ERI3: variants seen among roughly 807,000 people sequenced by gnomAD.
ERI3 encodes the protein ERI1 exoribonuclease 3.
In ERI3, 18 loss-of-function variants were observed where a neutral mutation model predicts 44.4. The observed-to-expected ratio is 0.41, with a 90% CI of 0.28 to 0.60. The LOEUF (loss-of-function observed/expected upper bound fraction) is 0.60. ERI3 is among the 20% of genes least tolerant of loss of function. The probability of loss-of-function intolerance (pLI) is 0.36; values close to 1 mark genes in which losing one functional copy is unlikely to be tolerated. For missense variants in ERI3, 294 were observed against 435.5 expected (o/e 0.68, Z 2.89); for synonymous variants, 183 against 164.8 (o/e 1.11, Z -0.84).
intron 7 of ERI3, chr1:44,256,849 G>A (rs1017246076): frequency 1.3e-5 from 2 of 152,218 alleles, no homozygotes; most frequent in Non-Finnish European, 2.9e-5. Flanking sequence ...TGAGTCAGAG[G>A]GGCCTTGGGG....
At chr1:44,300,013 C>T (rs1474070230) in intron 6 of ERI3, among the ~76,000 whole-genome samples, 18 of 152,142 alleles carry the variant, frequency 1.2e-4, no homozygotes, top group Admixed American at 1.1e-3. Flanking sequence ...GTGAAAGTCT[C>T]AGAACATACA....
chr1:44,273,171 C>T (rs1645120374), intron 7 of ERI3, among the ~76,000 whole-genome samples: 2 of 152,354 alleles, frequency 1.3e-5, no homozygotes, highest in East Asian at 3.9e-4. Context: ...CAAAGGTCAA[C>T]AGCAGCAATA....
chr1:44,310,958 C>CGCGCGCGCGT (rs1553195225), intron 5 of ERI3, among the ~76,000 whole-genome samples: 3 of 79,438 alleles, frequency 3.8e-5, no homozygotes, highest in Non-Finnish European at 7.4e-5. Flanking sequence ...ACATCGCGCG[C>CGCGCGCGCGT]GCGCGCACAC....
intron 3 of ERI3, among the ~76,000 whole-genome samples, chr1:44,338,212 C>G (rs1243813817): frequency 6.6e-6 from 1 of 152,192 alleles, no homozygotes; most frequent in African/African-American, 2.4e-5. Context: ...ACAAATCATC[C>G]CAAAACCTGT....
chr1:44,242,924 C>T (rs1004345244), intron 8 of ERI3, among the ~76,000 whole-genome samples: 2 of 152,102 alleles, frequency 1.3e-5, no homozygotes, highest in Admixed American at 6.5e-5. Flanking sequence ...GTGAGCGTGG[C>T]GGCAGAGGCG....
At chr1:44,281,619 T>TAA (rs1204718945) in intron 7 of ERI3, among the ~76,000 whole-genome samples, 1 of 142,778 alleles carries the variant, frequency 7.0e-6, no homozygotes, top group African/African-American at 2.6e-5. Flanking sequence ...TATATATATA[T>TAA]AATATATATA....
At chr1:44,226,180 G>C (rs985243619) in intron 8 of ERI3, among the ~76,000 whole-genome samples, 2 of 151,980 alleles carry the variant, frequency 1.3e-5, no homozygotes, top group Admixed American at 1.3e-4. Flanking sequence ...AATGTGGAGT[G>C]TCCAAATAAG....
chr1:44,338,676 G>T (rs1183507742), intron 3 of ERI3, among the ~76,000 whole-genome samples: 1 of 152,210 alleles, frequency 6.6e-6, no homozygotes, highest in Non-Finnish European at 1.5e-5. Flanking sequence ...GTGAATAGCA[G>T]GAGTTAAGAA....
intron 3 of ERI3, among the ~76,000 whole-genome samples, chr1:44,335,691 C>T (rs1646521014): frequency 6.8e-6 from 1 of 146,110 alleles, no homozygotes; most frequent in East Asian, 2.1e-4. Flanking sequence ...GCAGAGGTTG[C>T]GGTGAGCCGA....
Position 44,294,324 on chromosome 1 carries a change from T to C in ERI3, c.759-9417A>G, listed in dbSNP as rs930000624. ...TGCTCAAAGTCTCCAAAAGACACTGTATATGCATATAGCGCCTCCCTGATC... is the reference window on the plus strand; with the variant it reads ...TGCTCAAAGTCTCCAAAAGACACTGCATATGCATATAGCGCCTCCCTGATC... On this transcript the variant is annotated intron_variant, in intron 6 of 8. Coordinates refer to ENST00000372257, the MANE Select transcript of ERI3 (RefSeq NM_024066.3). Among the ~76,000 whole-genome samples the C allele has an allele frequency of 4.6e-5, 7 of 152,322 alleles. No homozygotes were observed. The East Asian group carries it at 9.6e-4, about 21-fold the overall frequency.
intron 7 of ERI3, among the ~76,000 whole-genome samples, chr1:44,269,768 G>A (rs939564889): frequency 4.6e-5 from 7 of 152,190 alleles, no homozygotes; most frequent in African/African-American, 1.7e-4. Context: ...CAAGTGACAA[G>A]AGGGAAGCTA....
chr1:44,279,081 C>G (rs1645236369), intron 7 of ERI3, among the ~76,000 whole-genome samples: 1 of 152,212 alleles, frequency 6.6e-6, no homozygotes, highest in Non-Finnish European at 1.5e-5. Context: ...ATTATATTCT[C>G]TATTTTTGAC....
At chr1:44,278,829 C>T (rs879940772) in intron 7 of ERI3, among the ~76,000 whole-genome samples, 8 of 152,218 alleles carry the variant, frequency 5.3e-5, no homozygotes, top group Non-Finnish European at 1.0e-4. Flanking sequence ...TCTCAAACTC[C>T]TGACCTCAGG....
intron 7 of ERI3, among the ~76,000 whole-genome samples, chr1:44,269,555 T>C (rs1481481407): frequency 6.6e-6 from 1 of 152,168 alleles, no homozygotes; most frequent in Non-Finnish European, 1.5e-5. Context: ...TTTAAACACA[T>C]ACAGACATGC....
At chr1:44,286,038 T>C (rs325163) in intron 6 of ERI3, among the ~76,000 whole-genome samples, 54,001 of 152,012 alleles carry the variant, frequency 0.36, 10,859 homozygotes, top group African/African-American at 0.55. Context: ...GAGGCCCCAG[T>C]GACTAAATGA....
At chr1:44,262,092 G>T (rs1644905907) in intron 7 of ERI3, among the ~76,000 whole-genome samples, 1 of 152,178 alleles carries the variant, frequency 6.6e-6, no homozygotes, top group Admixed American at 6.5e-5. Flanking sequence ...GCCAGATGGT[G>T]AAAGTAGGTG....
chr1:44,317,625 T>C (rs142886051), intron 4 of ERI3, among the ~76,000 whole-genome samples: 112 of 152,162 alleles, frequency 7.4e-4, no homozygotes, highest in African/African-American at 1.2e-3. Flanking sequence ...AAAGAACTTA[T>C]AGTCTAGTGA....
intron 7 of ERI3, among the ~76,000 whole-genome samples, chr1:44,264,127 C>T (rs908568437): frequency 2.0e-5 from 3 of 152,158 alleles, no homozygotes; most frequent in Non-Finnish European, 4.4e-5. Context: ...TCCAGCAAAG[C>T]GAAATCATTT....
intron 6 of ERI3, among the ~76,000 whole-genome samples, chr1:44,289,167 T>C (rs1376868982): frequency 1.3e-5 from 2 of 152,214 alleles, no homozygotes; most frequent in Non-Finnish European, 2.9e-5. Flanking sequence ...GAGCCAATTA[T>C]GTCCAGGCCA....
Sources: gnomAD v4.1 joint callset for allele counts (sites outside exome capture counted in the v4.1 genomes callset) on GRCh38, gnomAD v4.1.1 for gene constraint, MANE v1.5 for transcripts, NCBI Gene and HGNC (gene_info 2026-07-23, HGNC 2026-07-21) for gene names.